The following ZFHX3 variants were observed in gnomAD, a reference collection of about 807,000 sequenced individuals.
ZFHX3 encodes the protein zinc finger homeobox 3.
In ZFHX3, 42 loss-of-function variants were observed where a neutral mutation model predicts 279.1. That is an observed-to-expected ratio of 0.15 (90% CI 0.12 to 0.19). The LOEUF (loss-of-function observed/expected upper bound fraction) is 0.19. ZFHX3 is among the 10% of genes least tolerant of loss of function. ZFHX3 has a pLI of 1.00. For missense variants in ZFHX3, 4,981 were observed against 4,754.0 expected (o/e 1.05, Z -1.40); for synonymous variants, 2,293 against 1,957.8 (o/e 1.17, Z -4.52).
intron 4 of ZFHX3, among the ~76,000 whole-genome samples, chr16:73,276,815 T>C (rs928030148): frequency 1.3e-5 from 2 of 152,186 alleles, no homozygotes; most frequent in African/African-American, 2.4e-5. Flanking sequence ...AAATAGTCGA[T>C]TACATGAGGG....
intron 3 of ZFHX3, among the ~76,000 whole-genome samples, chr16:73,340,455 C>G (rs1275819139): frequency 6.6e-6 from 1 of 152,252 alleles, no homozygotes; most frequent in Non-Finnish European, 1.5e-5. Context: ...TTGCTGGGCT[C>G]AAGCAATCCT....
At chr16:72,850,268 A>G (rs1251191222) in intron 4 of ZFHX3, among the ~76,000 whole-genome samples, 2 of 152,218 alleles carry the variant, frequency 1.3e-5, no homozygotes, top group East Asian at 1.9e-4. Flanking sequence ...TACCTCACTT[A>G]GCACTTCAGA....
chr16:72,883,579 T>G (rs191121990), intron 4 of ZFHX3, among the ~76,000 whole-genome samples: 1 of 152,374 alleles, frequency 6.6e-6, no homozygotes, highest in Non-Finnish European at 1.5e-5. Flanking sequence ...TATGTTATCC[T>G]GTAAACTCCA....
chr16:73,689,547 T>TC (rs1415520936), intron 1 of ZFHX3, among the ~76,000 whole-genome samples: 1 of 151,720 alleles, frequency 6.6e-6, no homozygotes, highest in Non-Finnish European at 1.5e-5. Context: ...CTCTTGCCCC[T>TC]CCCCCCACTC....
At chr16:73,461,136 A>T (rs902750126) in intron 2 of ZFHX3, among the ~76,000 whole-genome samples, 1 of 152,166 alleles carries the variant, frequency 6.6e-6, no homozygotes, top group African/African-American at 2.4e-5. Context: ...CTTTTAATTT[A>T]TGTTTCCCAA....
chr16:73,551,807 G>A (rs369415648), intron 2 of ZFHX3, among the ~76,000 whole-genome samples: 59 of 152,316 alleles, frequency 3.9e-4, no homozygotes, highest in South Asian at 2.1e-3. Flanking sequence ...TAGATTCAGA[G>A]ACTTCAAATG....
intron 1 of ZFHX3, among the ~76,000 whole-genome samples, chr16:72,996,194 G>C (rs1475924393): frequency 1.3e-5 from 2 of 152,118 alleles, no homozygotes; most frequent in Admixed American, 6.6e-5. Context: ...TCAGGCAGAA[G>C]AATCACTTGA....
intron 5 of ZFHX3, among the ~76,000 whole-genome samples, chr16:73,253,449 CTT>C (rs2013569957): frequency 3.6e-5 from 3 of 82,212 alleles, no homozygotes; most frequent in Non-Finnish European, 4.3e-5. Flanking sequence ...GATTTTCTTT[CTT>C]TCTCTTTTTT....
intron 1 of ZFHX3, among the ~76,000 whole-genome samples, chr16:73,775,202 T>C (rs1187112993): frequency 6.6e-6 from 1 of 152,228 alleles, no homozygotes; most frequent in Non-Finnish European, 1.5e-5. Flanking sequence ...GGTAAGCACC[T>C]TCAACCCTGC....
intron 4 of ZFHX3, among the ~76,000 whole-genome samples, chr16:73,313,859 A>T (rs2015384650): frequency 6.6e-6 from 1 of 152,174 alleles, no homozygotes; most frequent in Non-Finnish European, 1.5e-5. Context: ...TGTAATCCCA[A>T]CACTTTGGGA....
intron 3 of ZFHX3, among the ~76,000 whole-genome samples, chr16:72,949,061 TCTC>T (rs1960843424): frequency 6.6e-6 from 1 of 152,176 alleles, no homozygotes; most frequent in Non-Finnish European, 1.5e-5. Flanking sequence ...ATTCCTGCTT[TCTC>T]CTCCTTTCCC....
At chr16:73,436,157 C>T (rs1446554979) in intron 3 of ZFHX3, among the ~76,000 whole-genome samples, 1 of 152,178 alleles carries the variant, frequency 6.6e-6, no homozygotes, top group East Asian at 1.9e-4. Flanking sequence ...CGGAGAAACC[C>T]TGTCTCTACA....
intron 3 of ZFHX3, among the ~76,000 whole-genome samples, chr16:72,922,182 T>C (rs920805622): frequency 6.6e-6 from 1 of 152,168 alleles, no homozygotes; most frequent in Non-Finnish European, 1.5e-5. Flanking sequence ...AGAACTTTAA[T>C]CACAGGGGGT....
At chr16:73,374,654 T>C (rs2016691047) in intron 3 of ZFHX3, among the ~76,000 whole-genome samples, 1 of 152,250 alleles carries the variant, frequency 6.6e-6, no homozygotes, top group South Asian at 2.1e-4. Flanking sequence ...ATAATGTCCT[T>C]ACATTGCAAT....
At chr16:73,208,707 G>T (rs1429474270) in intron 5 of ZFHX3, among the ~76,000 whole-genome samples, 2 of 152,174 alleles carry the variant, frequency 1.3e-5, no homozygotes, top group Admixed American at 1.3e-4. Flanking sequence ...GCTATCTTTG[G>T]TTGGTAGGAT....
intron 1 of ZFHX3, among the ~76,000 whole-genome samples, chr16:73,745,198 CT>C (rs2053693170): frequency 6.6e-6 from 1 of 152,088 alleles, no homozygotes; most frequent in Admixed American, 6.5e-5. Flanking sequence ...TTTGAGAGAC[CT>C]TTTTCCTTCA....
chr16:73,070,255 G>A (rs1318236372), intron 8 of ZFHX3, among the ~76,000 whole-genome samples: 6 of 151,920 alleles, frequency 3.9e-5, no homozygotes, highest in African/African-American at 1.5e-4. Flanking sequence ...TCCTAATGTT[G>A]ATAATTATTG....
chr16:73,421,517 T>C (rs191462690), intron 3 of ZFHX3: 12 of 152,362 alleles, frequency 7.9e-5, no homozygotes, highest in African/African-American at 2.9e-4. Context: ...GATACATCCG[T>C]ATTTCATTTA....
chr16:73,479,667 C>T (rs1157802584), intron 2 of ZFHX3, among the ~76,000 whole-genome samples: 2 of 152,176 alleles, frequency 1.3e-5, no homozygotes, highest in East Asian at 1.9e-4. Flanking sequence ...CCTGTGTCAC[C>T]ATGCCTCCTA....
Sources: gnomAD v4.1 joint callset for allele counts (sites outside exome capture counted in the v4.1 genomes callset) on GRCh38, gnomAD v4.1.1 for gene constraint, MANE v1.5 for transcripts, NCBI Gene and HGNC (gene_info 2026-07-23, HGNC 2026-07-21) for gene names.